The following ZNF521 variants were observed in gnomAD, a reference collection of about 807,000 sequenced individuals.
ZNF521 encodes the protein LYST-interacting protein 3.
ZNF521 carries 14 observed loss-of-function variants against 105.5 expected under a neutral mutation model. That is an observed-to-expected ratio of 0.13 (90% CI 0.09 to 0.21). The LOEUF is 0.21. Among genes scored for constraint, ZNF521 ranks in the 10% least tolerant of loss-of-function variants. The probability of loss-of-function intolerance (pLI) is 1.00; values close to 1 mark genes in which losing one functional copy is unlikely to be tolerated. For synonymous variants in ZNF521, 635 were observed against 606.0 expected (o/e 1.05, Z -0.70); for missense variants, 1,233 against 1,629.7 (o/e 0.76, Z 4.19).
chr18:25,193,240 G>T (rs190915263), intron 5 of ZNF521, among the ~76,000 whole-genome samples: 31 of 152,108 alleles, frequency 2.0e-4, no homozygotes, highest in African/African-American at 7.2e-4. Flanking sequence ...TAGGCAAAAT[G>T]ATACTAAAAT....
intron 3 of ZNF521, among the ~76,000 whole-genome samples, chr18:25,250,648 G>A (rs572391200): frequency 5.9e-5 from 9 of 152,278 alleles, no homozygotes; most frequent in South Asian, 4.1e-4. Context: ...AGTGAACTCC[G>A]ATGTTATCAT....
intron 3 of ZNF521, chr18:25,301,995 T>C (rs996333504): frequency 6.6e-6 from 1 of 152,124 alleles, no homozygotes; most frequent in African/African-American, 2.4e-5. Context: ...AAGTTCAATG[T>C]CTAAATCATG....
At position 25,226,734 on chromosome 18, in the gene ZNF521, C is replaced by A. The variant is rs781177468; in HGVS notation, c.1184G>T (p.Gly395Val). Reference protein sequence around the residue: ...RAAQQTPDMTGPSSKQAKVTY... With the variant: ...RAAQQTPDMTVPSSKQAKVTY... ...AACTTTTGCTTGTTTACTCGAGGGA[C>A]CAGTCATGTCAGGGGTTTGTTGAGC... is the stretch of plus-strand genomic sequence containing the variant. The change falls in exon 4 of 8, where the codon GGT (glycine) becomes GTT (valine). Residue 395 changes from glycine to valine, a missense_variant. Physicochemically the swap from Gly to Val is moderately radical, Grantham distance 109. Around this residue, in one of 6 missense-constraint regions of ZNF521, gnomAD observed 380 missense variants for 478.0 expected, o/e 0.80. Transcript: ENST00000361524. This position sits in a 1 kb window ranked among gnomAD's most constrained non-coding sequence, Gnocchi z 4.1. 2.5e-6 allele frequency: 4 copies of A among 1,614,072 alleles called. No homozygotes were observed. The South Asian group carries it at 4.4e-5, about 18-fold the overall frequency.
At chr18:25,256,330 G>A (rs1028222093) in intron 3 of ZNF521, among the ~76,000 whole-genome samples, 1 of 151,942 alleles carries the variant, frequency 6.6e-6, no homozygotes, top group Non-Finnish European at 1.5e-5. Context: ...TCTGGAGATT[G>A]GCTGCACAAA....
At chr18:25,301,672 T>C (rs1911647140) in intron 3 of ZNF521, among the ~76,000 whole-genome samples, 1 of 152,214 alleles carries the variant, frequency 6.6e-6, no homozygotes. Flanking sequence ...TCTTCCTTCT[T>C]AGAAATTACC....
chr18:25,190,572 G>A (rs1353659971), intron 5 of ZNF521, among the ~76,000 whole-genome samples: 1 of 152,114 alleles, frequency 6.6e-6, no homozygotes, highest in African/African-American at 2.4e-5. Flanking sequence ...TCTAAAGCAA[G>A]TGCACTCAAG....
chr18:25,195,289 T>A (rs1403245577), intron 4 of ZNF521, 45 bp from the exon 5 acceptor site: 1 of 1,417,194 alleles, frequency 7.1e-7, no homozygotes, highest in East Asian at 2.5e-5. Context: ...ACATGGACTT[T>A]TAATTGTTTC....
intron 5 of ZNF521, among the ~76,000 whole-genome samples, chr18:25,144,437 T>TA (rs1403542425): frequency 6.6e-6 from 1 of 152,216 alleles, no homozygotes; most frequent in Non-Finnish European, 1.5e-5. Context: ...GGAGATTTGA[T>TA]GAATCTATCT....
intron 5 of ZNF521, among the ~76,000 whole-genome samples, chr18:25,099,139 G>A (rs528523680): frequency 8.5e-5 from 13 of 152,176 alleles, no homozygotes; most frequent in African/African-American, 2.4e-4. Flanking sequence ...TGATGTACAC[G>A]AAGTACCTAG....
chr18:25,121,010 T>A (rs890955986), intron 5 of ZNF521, among the ~76,000 whole-genome samples: 1 of 152,116 alleles, frequency 6.6e-6, no homozygotes, highest in African/African-American at 2.4e-5. Flanking sequence ...AATTTCATAG[T>A]TTGGTCAAGA....
At chr18:25,215,975 C>G (rs978464549) in intron 4 of ZNF521, among the ~76,000 whole-genome samples, 5 of 152,204 alleles carry the variant, frequency 3.3e-5, no homozygotes, top group African/African-American at 1.2e-4. Context: ...TGAACCTTAT[C>G]AATTTATTTG....
intron 3 of ZNF521, among the ~76,000 whole-genome samples, chr18:25,263,356 CTTT>C (rs57232409): frequency 2.0e-5 from 3 of 147,760 alleles, no homozygotes; most frequent in Non-Finnish European, 4.5e-5. Flanking sequence ...CAATAACTTG[CTTT>C]TTTTTTTGTT....
chr18:25,125,813 C>A (rs2034529294), intron 5 of ZNF521, among the ~76,000 whole-genome samples: 1 of 151,638 alleles, frequency 6.6e-6, no homozygotes, highest in Non-Finnish European at 1.5e-5. Flanking sequence ...GCTTGCTATC[C>A]AGTAGTGGCT....
Position 25,182,136 on chromosome 18 carries a change from T to C in ZNF521, c.3658+13024A>G, listed in dbSNP as rs11873668. 6.0e-3 allele frequency among the ~76,000 whole-genome samples: 919 copies of C among 152,208 alleles called. 9 individuals carry two copies. Among genetic ancestry groups the C allele is most frequent in the African/African-American group, 0.021 (869 of 41,526 alleles). ...GATATGCTCTTTGGACAGAAGGTAGTGATTCAAAAATTGCAAAACTTCAGC... is the reference window on the plus strand; with the variant it reads ...GATATGCTCTTTGGACAGAAGGTAGCGATTCAAAAATTGCAAAACTTCAGC... On this transcript the variant is annotated intron_variant, in intron 5 of 7. Transcript: ENST00000361524.
At chr18:25,189,764 T>C (rs1364480154) in intron 5 of ZNF521, among the ~76,000 whole-genome samples, 1 of 152,240 alleles carries the variant, frequency 6.6e-6, no homozygotes, top group African/African-American at 2.4e-5. Context: ...ATCTGCACAG[T>C]AGGTGTGACA....
In ZNF521 at chr18:25,319,470, C is replaced by G. The variant is rs551959382; in HGVS notation, c.220+2538G>C. On this transcript the variant is annotated intron_variant, in intron 3 of 7. Transcript: ENST00000361524. ...AGTTAGCTGGGCATGGTGGTATGCACCTGCAGTCCCAGCTACTTGGGAGGC... is the reference window on the plus strand; with the variant it reads ...AGTTAGCTGGGCATGGTGGTATGCAGCTGCAGTCCCAGCTACTTGGGAGGC... 1.1e-3 allele frequency among the ~76,000 whole-genome samples: 168 copies of G among 152,080 alleles called. 2 individuals are homozygous for G. Among genetic ancestry groups the G allele is most frequent in the African/African-American group, 3.8e-3 (157 of 41,498 alleles).
intron 3 of ZNF521, among the ~76,000 whole-genome samples, chr18:25,303,155 A>C (rs1423475623): frequency 1.3e-5 from 2 of 152,192 alleles, no homozygotes; most frequent in African/African-American, 4.8e-5. Context: ...TGTGCTAGGA[A>C]GCAGAGCACC....
At chr18:25,317,845 C>A (rs1359543427) in intron 3 of ZNF521, among the ~76,000 whole-genome samples, 1 of 152,100 alleles carries the variant, frequency 6.6e-6, no homozygotes, top group Non-Finnish European at 1.5e-5. Context: ...TTAGCAAGTA[C>A]GTACGACAAC....
chr18:25,326,103 A>G (rs1451231726), intron 2 of ZNF521, among the ~76,000 whole-genome samples: 1 of 152,198 alleles, frequency 6.6e-6, no homozygotes, highest in African/African-American at 2.4e-5. Flanking sequence ...TGTAAAAATG[A>G]GGTTTCACCA....
Sources: allele counts gnomAD v4.1 joint callset (sites outside exome capture counted in the v4.1 genomes callset), GRCh38; gene constraint gnomAD v4.1.1; regional missense constraint gnomAD v4.1.1; non-coding constraint Gnocchi (gnomAD v3.1); transcripts MANE v1.5; gene names NCBI Gene and HGNC (gene_info 2026-07-23, HGNC 2026-07-21).